Variants in OTOGL observed in about 807,000 individuals in gnomAD.
OTOGL encodes otogelin like, also known as otogelin-like protein.
A neutral mutation model predicts 318.5 loss-of-function variants in OTOGL; 285 were observed. The observed-to-expected ratio is 0.89, with a 90% CI of 0.81 to 0.99. OTOGL has a LOEUF of 0.99. Among genes scored for constraint, OTOGL ranks in the 50% least tolerant of loss-of-function variants. The pLI is 0.00. For synonymous variants in OTOGL, 987 were observed against 936.5 expected, an observed-to-expected ratio of 1.05 and a Z score of -0.99; for missense variants, 2,899 against 2,845.6, an observed-to-expected ratio of 1.02 and a Z score of -0.43.
intron 57 of OTOGL, 36 bp from the exon 58 acceptor site, chr12:80,377,087 G>A (rs780091721): frequency 1.4e-6 from 2 of 1,422,416 alleles, no homozygotes; most frequent in African/African-American, 1.4e-5. Flanking sequence ...TTTAACGTAG[G>A]CCTTTGATGA....
chr12:80,371,600 CAAAG>C (rs1432652032), intron 56 of OTOGL, among the ~76,000 whole-genome samples: 1 of 151,754 alleles, frequency 6.6e-6, no homozygotes. Context: ...TAAAAACTAT[CAAAG>C]AAAAAGATGT....
chr12:80,236,737 A>C (rs1287453746), intron 9 of OTOGL, among the ~76,000 whole-genome samples: 1 of 152,026 alleles, frequency 6.6e-6, no homozygotes, highest in East Asian at 1.9e-4. Context: ...TCAGAGACAA[A>C]GCAGCAGGCC....
chr12:80,271,550 A>C, intron 23 of OTOGL, 98 bp from the exon 24 acceptor site: 1 of 1,184,006 alleles, frequency 8.4e-7, no homozygotes, highest in Non-Finnish European at 1.2e-6. Context: ...CAAACTCAAA[A>C]TAGGTTTAGA....
At chr12:80,197,690 C>G (rs1592537337) in intron 1 of OTOGL, among the ~76,000 whole-genome samples, 1 of 152,354 alleles carries the variant, frequency 6.6e-6, no homozygotes, top group East Asian at 1.9e-4. Flanking sequence ...CCACAAAAGG[C>G]ACTCTAATGG....
intron 57 of OTOGL, among the ~76,000 whole-genome samples, chr12:80,374,935 G>A (rs1248263789): frequency 6.6e-6 from 1 of 152,136 alleles, no homozygotes; most frequent in East Asian, 1.9e-4. Context: ...TTTCCCTACA[G>A]ATGAGAAATA....
At chr12:80,279,202 G>T (rs745751199) in intron 26 of OTOGL, 36 bp downstream of exon 26, 6 of 1,550,432 alleles carry the variant, frequency 3.9e-6, no homozygotes, top group Admixed American at 1.9e-5. Flanking sequence ...TTGCATTCGT[G>T]TAAAGATTTA....
intron 1 of OTOGL, among the ~76,000 whole-genome samples, chr12:80,140,572 A>C (rs1335152560): frequency 6.6e-6 from 1 of 152,190 alleles, no homozygotes; most frequent in Non-Finnish European, 1.5e-5. Flanking sequence ...TAATGTCCCC[A>C]TGGCTCTGCC....
intron 1 of OTOGL, among the ~76,000 whole-genome samples, chr12:80,168,263 G>A (rs1873958264): frequency 6.6e-6 from 1 of 151,960 alleles, no homozygotes; most frequent in Admixed American, 6.6e-5. Context: ...CCCTAATAAG[G>A]AGAAAGTTCC....
intron 7 of OTOGL, among the ~76,000 whole-genome samples, chr12:80,223,107 T>G (rs1878508035): frequency 6.6e-6 from 1 of 152,092 alleles, no homozygotes. Flanking sequence ...ATAGCTTAGT[T>G]CCCACTTACG....
At chr12:80,206,078 A>G (rs1471476903) in intron 1 of OTOGL, among the ~76,000 whole-genome samples, 1 of 152,172 alleles carries the variant, frequency 6.6e-6, no homozygotes, top group Non-Finnish European at 1.5e-5. Context: ...TATGAACTTA[A>G]TATCACTTCA....
Position 80,341,895 on chromosome 12 carries a change from C to T in OTOGL, c.5051-53C>T, listed in dbSNP as rs1888790820. ...CAATTATTTAACTGATTTAGTTGTGCTGTCTACATTAGTTTAAGTTTTTTT... is the reference window on the plus strand; with the variant it reads ...CAATTATTTAACTGATTTAGTTGTGTTGTCTACATTAGTTTAAGTTTTTTT... On this transcript the variant is annotated intron_variant, in intron 43 of 58. Coordinates refer to ENST00000547103, the MANE Select transcript of OTOGL (RefSeq NM_001378609.3). The T allele has an allele frequency of 3.4e-6, 4 of 1,161,652 alleles. No individual in the cohort carries two copies. In the South Asian group the frequency reaches 5.8e-5, roughly 17 times the overall value. The allele number at this position is 1,161,652 out of a possible 1,614,324, so 72.0% of individuals were successfully genotyped here. A position where few individuals can be genotyped will look rare whatever the true frequency, so the allele number is the denominator to read the frequency against.
At chr12:80,131,960 A>G (rs1871266984) in intron 1 of OTOGL, 2 of 152,222 alleles carry the variant, frequency 1.3e-5, no homozygotes, top group Admixed American at 1.3e-4. Flanking sequence ...AGAACATACA[A>G]TATCAATAAA....
chr12:80,302,436 G>C (rs139213233), intron 27 of OTOGL, among the ~76,000 whole-genome samples, 198 bp from the exon 28 acceptor site: 1 of 152,030 alleles, frequency 6.6e-6, no homozygotes, highest in African/African-American at 2.4e-5. Flanking sequence ...CTGCTAGTTC[G>C]TGTCTGGTAA....
At chr12:80,156,131 A>G (rs905432956) in intron 1 of OTOGL, among the ~76,000 whole-genome samples, 1 of 152,242 alleles carries the variant, frequency 6.6e-6, no homozygotes, top group African/African-American at 2.4e-5. Context: ...GTGGACTGCG[A>G]AAGGCAGACC....
intron 37 of OTOGL, among the ~76,000 whole-genome samples, chr12:80,330,729 T>C (rs74108590): frequency 0.097 from 14,843 of 152,292 alleles, 844 homozygotes; most frequent in Non-Finnish European, 0.12. Flanking sequence ...TCTTAGGTTA[T>C]TCTAAGGGAT....
At chr12:80,297,726 A>G (rs1055547737) in intron 27 of OTOGL, among the ~76,000 whole-genome samples, 2 of 152,196 alleles carry the variant, frequency 1.3e-5, no homozygotes, top group African/African-American at 4.8e-5. Flanking sequence ...AGGCCTTGCC[A>G]GTCTGGCTGT....
intron 1 of OTOGL, among the ~76,000 whole-genome samples, chr12:80,188,410 C>CAG (rs1565893072): frequency 6.6e-6 from 1 of 151,572 alleles, no homozygotes; most frequent in Non-Finnish European, 1.5e-5. Flanking sequence ...TGGTGGCATG[C>CAG]GCCTGTAATC....
chr12:80,212,087 G>A, intron 4 of OTOGL, 90 bp downstream of exon 4: 1 of 1,286,350 alleles, frequency 7.8e-7, no homozygotes. Context: ...GACCTTTGTG[G>A]AGGGGAATAA....
intron 32 of OTOGL, among the ~76,000 whole-genome samples, chr12:80,318,050 C>G (rs959077251): frequency 6.6e-6 from 1 of 152,054 alleles, no homozygotes; most frequent in East Asian, 1.9e-4. Context: ...TTTTGTTCTT[C>G]TCCTTGTCCT....
Sources: gnomAD v4.1 joint callset for allele counts (sites outside exome capture counted in the v4.1 genomes callset) on GRCh38, gnomAD v4.1.1 for gene constraint, MANE v1.5 for transcripts, NCBI Gene and HGNC (gene_info 2026-07-23, HGNC 2026-07-21) for gene names.